The following IDH1 variants were observed in gnomAD, a reference collection of about 807,000 sequenced individuals.
IDH1 encodes isocitrate dehydrogenase (NADP(+)) 1, also known as isocitrate dehydrogenase [NADP] cytoplasmic.
Under a neutral mutation model 46.1 loss-of-function variants are expected in IDH1, and 33 were observed. The ratio of observed to expected loss-of-function variants is 0.72; its 90% CI spans 0.54 to 0.96. The LOEUF (loss-of-function observed/expected upper bound fraction) is 0.96. Ranked by LOEUF, IDH1 falls within the 40% of genes least tolerant of loss-of-function variation. IDH1 has a pLI of 0.00. For missense variants in IDH1, 421 were observed against 515.7 expected (o/e 0.82, Z 1.78); for synonymous variants, 144 against 172.8 (o/e 0.83, Z 1.31).
chr2:208,240,031 G>C (rs768477067), intron 7 of IDH1, 28 bp from the exon 8 acceptor site: 4 of 1,613,566 alleles, frequency 2.5e-6, no homozygotes, highest in Non-Finnish European at 3.4e-6. Flanking sequence ...TGAAGCGTTG[G>C]GTCCAACTGC....
intron 3 of IDH1, among the ~76,000 whole-genome samples, chr2:208,250,257 A>T (rs956219994): frequency 6.6e-6 from 1 of 151,360 alleles, no homozygotes; most frequent in Non-Finnish European, 1.5e-5. Flanking sequence ...CTGCCAGTTC[A>T]CCTACTGTCA....
chr2:208,240,122 G>A, intron 7 of IDH1, 119 bp from the exon 8 acceptor site: 1 of 1,020,636 alleles, frequency 9.8e-7, no homozygotes, highest in South Asian at 1.3e-5. Context: ...GTAAACAAGA[G>A]CACATGGAAT....
At position 208,238,373 on chromosome 2, in the gene IDH1, T is replaced by C. The variant is rs1265089683; in HGVS notation, c.1154+698A>G. Among the ~76,000 whole-genome samples the C allele has an allele frequency of 3.9e-5, 6 of 152,160 alleles. No homozygotes were observed. In the East Asian group the frequency reaches 9.7e-4, roughly 24 times the overall value. ...TGTTGGAAATTTAAATTAAGAAACA[T>C]GCAGTGACCAAGTATATCCCCATTA... On this transcript the variant is annotated intron_variant, in intron 9 of 9. Transcript: ENST00000345146.
rs766352120 is a variant in IDH1 at position 208,249,098 on chromosome 2, C to T, written c.123-438G>A. ...GGTTAAAGGATTTTTTGTATTTTGACGTTGAAGTGGTGGGAGGTAAAGATG... is the reference window on the plus strand; with the variant it reads ...GGTTAAAGGATTTTTTGTATTTTGATGTTGAAGTGGTGGGAGGTAAAGATG... On this transcript the variant is annotated intron_variant, in intron 3 of 9. Coordinates refer to ENST00000345146, the MANE Select transcript of IDH1 (RefSeq NM_005896.4). 4.5e-4 allele frequency among the ~76,000 whole-genome samples: 68 copies of T among 151,646 alleles called. 2 individuals are homozygous for T. Among genetic ancestry groups the T allele is most frequent in the Non-Finnish European group, 2.4e-4 (16 of 67,990 alleles).
intron 9 of IDH1, 38 bp downstream of exon 9, chr2:208,239,033 T>A (rs1687867971): frequency 5.7e-6 from 9 of 1,580,770 alleles, no homozygotes; most frequent in Middle Eastern, 3.7e-4. Context: ...AGGATAAGTG[T>A]TAATTTGACC....
rs2124863950 is a variant in IDH1, at chr2:208,248,627, G to A, written c.156C>T (p.Thr52=). The A allele has an allele frequency of 6.2e-7, 1 of 1,614,122 alleles. No individual in the cohort carries two copies. Among genetic ancestry groups the A allele is most frequent in the Non-Finnish European group, 8.5e-7 (1 of 1,180,016 alleles). ...CAGCATCCTTGGTGACTTGGTCGTTGGTGGCATCACGATTCTCTATGCCTA... is the reference window on the plus strand; with the variant it reads ...CAGCATCCTTGGTGACTTGGTCGTTAGTGGCATCACGATTCTCTATGCCTA... ...YDLGIENRDA[T]NDQVTKDAAE... is the part of the protein sequence containing the mutation. Residue 52 remains threonine, a synonymous_variant, in exon 4 of 10, where the codon ACC becomes ACT. Transcript: ENST00000345146.
intron 4 of IDH1, among the ~76,000 whole-genome samples, chr2:208,246,967 A>G (rs1050262970): frequency 5.3e-5 from 8 of 152,212 alleles, no homozygotes; most frequent in Admixed American, 4.6e-4. Flanking sequence ...AAAAGGATAT[A>G]CGCAGAAAAA....
At chr2:208,245,282 TAA>T in intron 5 of IDH1, 35 bp downstream of exon 5, 6 of 921,392 alleles carry the variant, frequency 6.5e-6, no homozygotes, top group Non-Finnish European at 1.0e-5. Context: ...ATCATTTGTT[TAA>T]AAAAAAAAGA....
At chr2:208,253,109 G>A (rs1688153462) in intron 2 of IDH1, among the ~76,000 whole-genome samples, 1 of 152,180 alleles carries the variant, frequency 6.6e-6, no homozygotes, top group Non-Finnish European at 1.5e-5. Flanking sequence ...TGATGCAACA[G>A]TCATGACATG....
At chr2:208,240,538 A>G (rs1464292943) in intron 7 of IDH1, among the ~76,000 whole-genome samples, 1 of 152,154 alleles carries the variant, frequency 6.6e-6, no homozygotes, top group Non-Finnish European at 1.5e-5. Flanking sequence ...AGAACCCTCA[A>G]GCTGCTCATA....
At chr2:208,244,670 C>G (rs1687983575) in intron 5 of IDH1, among the ~76,000 whole-genome samples, 1 of 152,096 alleles carries the variant, frequency 6.6e-6, no homozygotes, top group South Asian at 2.1e-4. Context: ...GAACCAGATT[C>G]CAACAGATAT....
chr2:208,243,192 C>T (rs1424955159), intron 6 of IDH1, among the ~76,000 whole-genome samples: 1 of 152,186 alleles, frequency 6.6e-6, no homozygotes, highest in African/African-American at 2.4e-5. Flanking sequence ...AAGAACCTGG[C>T]TCTGAAAACA....
rs1473658418 is a variant in IDH1, at chr2:208,239,773, G to GC, written c.991+89dup. On this transcript the variant is annotated intron_variant, in intron 8 of 9. Coordinates refer to ENST00000345146, the MANE Select transcript of IDH1 (RefSeq NM_005896.4). ...AAATCAGCTACTTGGTGATGACTTT[G>GC]CACACAAAACACTGAGCAGCCAAGG... 2.4e-5 allele frequency: 30 copies of GC among 1,252,978 alleles called. No individual in the cohort carries two copies. The South Asian group carries it at 3.6e-4, about 15-fold the overall frequency. 77.6% of individuals were successfully genotyped at this position (1,252,978 alleles called of 1,614,324 possible). A position where few individuals can be genotyped will look rare whatever the true frequency, so the allele number is the denominator to read the frequency against.
intron 3 of IDH1, among the ~76,000 whole-genome samples, chr2:208,250,483 T>G (rs77969688): frequency 0.02 from 3,069 of 152,272 alleles, 115 homozygotes; most frequent in African/African-American, 0.069. Flanking sequence ...AAACAGGTCC[T>G]TAGGACAAAT....
At chr2:208,248,301 C>T (rs1688059321) in intron 4 of IDH1, 68 bp downstream of exon 4, 2 of 1,422,296 alleles carry the variant, frequency 1.4e-6, no homozygotes, top group African/African-American at 2.8e-5. Context: ...AAAACACATA[C>T]AAGTTGGAAA....
In IDH1 at chr2:208,254,933, G is replaced by A. The variant is rs572908835; in HGVS notation, c.-91+6C>T. 5.2e-5 allele frequency: 8 copies of A among 152,532 alleles called. No homozygotes were observed. The highest frequency in any genetic ancestry group is 1.3e-4 in the Admixed American group (2 of 15,302). The allele number at this position is 152,532 out of a possible 1,614,324, so 9.4% of individuals were successfully genotyped here. Reference sequence around the variant, plus strand: ...ACCGGGGCCGCCCCTTGGAGCCTGAGGTTACCTGCCGGGATGATATGCTGG... The same window carrying A: ...ACCGGGGCCGCCCCTTGGAGCCTGAAGTTACCTGCCGGGATGATATGCTGG... On this transcript the variant is annotated splice_donor_region_variant and intron_variant, in intron 1 of 9. Transcript: ENST00000345146.
intron 3 of IDH1, among the ~76,000 whole-genome samples, chr2:208,249,171 T>C (rs11900211): frequency 0.037 from 5,549 of 152,002 alleles, 111 homozygotes; most frequent in African/African-American, 0.063. Flanking sequence ...TAATGCCAGT[T>C]AGTCATAAAA....
intron 2 of IDH1, among the ~76,000 whole-genome samples, chr2:208,252,816 C>A (rs375645761): frequency 1.3e-5 from 2 of 152,182 alleles, no homozygotes; most frequent in Admixed American, 6.5e-5. Context: ...TTCCCAAATT[C>A]GCAATTCTAG....
intron 3 of IDH1, among the ~76,000 whole-genome samples, chr2:208,250,865 T>G (rs554341525): frequency 6.6e-6 from 1 of 152,218 alleles, no homozygotes; most frequent in African/African-American, 2.4e-5. Context: ...ATTGACTAAG[T>G]AAAGTGATAG....
Sources: gnomAD v4.1 joint callset for allele counts (sites outside exome capture counted in the v4.1 genomes callset) on GRCh38, gnomAD v4.1.1 for gene constraint, MANE v1.5 for transcripts, NCBI Gene and HGNC (gene_info 2026-07-23, HGNC 2026-07-21) for gene names.